Variants in FSTL4 observed in about 807,000 individuals in gnomAD.
The protein encoded by FSTL4 is follistatin like 4.
In FSTL4, 28 loss-of-function variants were observed where a neutral mutation model predicts 78.2. That is an observed-to-expected ratio of 0.36 (90% CI 0.27 to 0.49). The LOEUF (loss-of-function observed/expected upper bound fraction) is 0.49. FSTL4 is among the 20% of genes least tolerant of loss of function. The probability of loss-of-function intolerance (pLI) is 0.98; values close to 1 mark genes in which losing one functional copy is unlikely to be tolerated. For missense variants in FSTL4, 922 were observed against 1,084.9 expected, an observed-to-expected ratio of 0.85 and a Z score of 2.11; for synonymous variants, 422 against 440.5, an observed-to-expected ratio of 0.96 and a Z score of 0.53.
chr5:133,219,475 T>TA (rs1751020970), intron 12 of FSTL4, among the ~76,000 whole-genome samples: 1 of 152,218 alleles, frequency 6.6e-6, no homozygotes, highest in Non-Finnish European at 1.5e-5. Context: ...AGGCTATGCC[T>TA]TTATCTGTGA....
At chr5:133,841,036 A>G in the FSTL4 span, among the ~76,000 whole-genome samples, 1 of 152,254 alleles carries the variant, frequency 6.6e-6, no homozygotes, top group Non-Finnish European at 1.5e-5. Flanking sequence ...ACACCTTGCC[A>G]CTGGCTAAGG....
At chr5:133,402,551 C>A (rs960061851) in intron 3 of FSTL4, among the ~76,000 whole-genome samples, 1 of 151,596 alleles carries the variant, frequency 6.6e-6, no homozygotes, top group Non-Finnish European at 1.5e-5. Context: ...CTTTTAGCCC[C>A]GGGTCCTACC....
chr5:133,570,242 C>T (rs1053319286), intron 2 of FSTL4, among the ~76,000 whole-genome samples: 1 of 151,798 alleles, frequency 6.6e-6, no homozygotes, highest in African/African-American at 2.4e-5. Flanking sequence ...TAAAATGAAA[C>T]CAACTTTATG....
At chr5:133,277,425 T>A (rs954646604) in intron 6 of FSTL4, among the ~76,000 whole-genome samples, 1 of 152,156 alleles carries the variant, frequency 6.6e-6, no homozygotes, top group African/African-American at 2.4e-5. Flanking sequence ...GGCACTGTAT[T>A]TCTTATGGGG....
At chr5:133,788,208 T>C in the FSTL4 span, among the ~76,000 whole-genome samples, 1 of 152,154 alleles carries the variant, frequency 6.6e-6, no homozygotes, top group South Asian at 2.1e-4. Flanking sequence ...AGAAGCACGG[T>C]GGGAGAGTCC....
intron 3 of FSTL4, among the ~76,000 whole-genome samples, chr5:133,442,794 G>A (rs912064537): frequency 6.6e-6 from 1 of 152,138 alleles, no homozygotes; most frequent in African/African-American, 2.4e-5. Flanking sequence ...CCACTCAGTG[G>A]CAAAGCCTGC....
the FSTL4 span, among the ~76,000 whole-genome samples, chr5:133,739,316 T>G: frequency 6.6e-6 from 1 of 151,692 alleles, no homozygotes; most frequent in African/African-American, 2.4e-5. Flanking sequence ...ACTAAGTGGT[T>G]TTGTGATTGA....
At chr5:133,263,815 G>A (rs1243475810) in intron 6 of FSTL4, among the ~76,000 whole-genome samples, 1 of 152,166 alleles carries the variant, frequency 6.6e-6, no homozygotes, top group Admixed American at 6.5e-5. Flanking sequence ...GAGAGAGAAG[G>A]GAGAATTTCA....
chr5:133,763,881 T>C, the FSTL4 span, among the ~76,000 whole-genome samples: 1 of 152,130 alleles, frequency 6.6e-6, no homozygotes, highest in African/African-American at 2.4e-5. Context: ...TGGCAATACT[T>C]CTGGAACAGA....
the FSTL4 span, among the ~76,000 whole-genome samples, chr5:133,796,990 C>T: frequency 1.3e-5 from 2 of 152,150 alleles, no homozygotes; most frequent in Admixed American, 1.3e-4. Context: ...GCATTGAGCC[C>T]AGGAATCCTC....
chr5:133,210,990 G>A (rs1198311599), intron 13 of FSTL4: 2 of 152,288 alleles, frequency 1.3e-5, no homozygotes, highest in African/African-American at 2.4e-5. Context: ...CTAGATTCTG[G>A]TGAGTTGGTC....
At chr5:133,452,751 T>C (rs1757410073) in intron 3 of FSTL4, among the ~76,000 whole-genome samples, 1 of 152,252 alleles carries the variant, frequency 6.6e-6, no homozygotes. Flanking sequence ...GCAGCCCCAG[T>C]GGATGCTCTT....
chr5:133,743,203 T>C, the FSTL4 span, among the ~76,000 whole-genome samples: 122 of 152,134 alleles, frequency 8.0e-4, 2 homozygotes, highest in Non-Finnish European at 3.2e-4. Flanking sequence ...AGCTCTCATT[T>C]CGTAAGTGAG....
chr5:133,676,431 G>A, the FSTL4 span, among the ~76,000 whole-genome samples: 23,912 of 152,092 alleles, frequency 0.16, 4,902 homozygotes, highest in African/African-American at 0.48. Context: ...GTTTCTAATA[G>A]GGCTTTTTAC....
chr5:133,406,919 A>G (rs1322655694), intron 3 of FSTL4, among the ~76,000 whole-genome samples: 2 of 152,214 alleles, frequency 1.3e-5, no homozygotes, highest in Non-Finnish European at 2.9e-5. Flanking sequence ...TAGGTGGTAG[A>G]GCCTAGCTTT....
the FSTL4 span, among the ~76,000 whole-genome samples, chr5:133,650,503 T>G: frequency 6.6e-6 from 1 of 152,224 alleles, no homozygotes; most frequent in Non-Finnish European, 1.5e-5. Context: ...ATGTCTACAT[T>G]CATTTTTTTG....
chr5:133,417,554 G>A (rs1756600462), intron 3 of FSTL4, among the ~76,000 whole-genome samples: 1 of 151,892 alleles, frequency 6.6e-6, no homozygotes, highest in South Asian at 2.1e-4. Context: ...TAAATACAAA[G>A]GAAACCACAA....
the FSTL4 span, among the ~76,000 whole-genome samples, chr5:133,627,917 G>T: frequency 5.3e-5 from 8 of 150,636 alleles, no homozygotes; most frequent in African/African-American, 1.7e-4. Context: ...TAGTGTTTTT[G>T]AGTATATCTC....
At chr5:133,321,541 T>A (rs1454422906) in intron 4 of FSTL4, among the ~76,000 whole-genome samples, 1 of 152,088 alleles carries the variant, frequency 6.6e-6, no homozygotes, top group Non-Finnish European at 1.5e-5. Flanking sequence ...ATGGTCAAGA[T>A]GATGTTGAGA....
Sources: gnomAD v4.1 joint callset for allele counts (sites outside exome capture counted in the v4.1 genomes callset) on GRCh38, gnomAD v4.1.1 for gene constraint, MANE v1.5 for transcripts, NCBI Gene and HGNC (gene_info 2026-07-23, HGNC 2026-07-21) for gene names.